Variants in CYB5A observed in about 807,000 individuals in gnomAD.
The protein encoded by CYB5A is cytochrome b5 type A.
CYB5A carries 10 observed loss-of-function variants against 16.2 expected under a neutral mutation model. The observed-to-expected ratio is 0.62, with a 90% CI of 0.38 to 1.04. The LOEUF (loss-of-function observed/expected upper bound fraction) is 1.04. Among genes scored for constraint, CYB5A ranks in the 50% least tolerant of loss-of-function variants. The probability of loss-of-function intolerance (pLI) is 0.01; values close to 1 mark genes in which losing one functional copy is unlikely to be tolerated. For missense variants in CYB5A, 161 were observed against 165.9 expected, an observed-to-expected ratio of 0.97 and a Z score of 0.16; for synonymous variants, 62 against 57.0, an observed-to-expected ratio of 1.09 and a Z score of -0.40.
intron 1 of CYB5A, among the ~76,000 whole-genome samples, chr18:74,280,281 C>T (rs7231562): frequency 0.63 from 96,022 of 151,950 alleles, 31,000 homozygotes; most frequent in Middle Eastern, 0.74. Flanking sequence ...TTTCACATGT[C>T]GGCCAGGTGC....
intron 1 of CYB5A, among the ~76,000 whole-genome samples, chr18:74,284,233 C>CAAAA (rs1308439463): frequency 1.4e-5 from 1 of 73,106 alleles, no homozygotes; most frequent in African/African-American, 4.1e-5. Flanking sequence ...ACTCCATCTC[C>CAAAA]AAAAAAAAAA....
intron 3 of CYB5A, chr18:74,259,266 T>C (rs1982106206): frequency 6.6e-6 from 1 of 152,238 alleles, no homozygotes; most frequent in South Asian, 2.1e-4. Context: ...AAGTAAGCCA[T>C]GTCTTAACGC....
At chr18:74,254,800 G>A (rs1037394405) in intron 4 of CYB5A, among the ~76,000 whole-genome samples, 3 of 152,178 alleles carry the variant, frequency 2.0e-5, no homozygotes, top group African/African-American at 4.8e-5. Context: ...GATTACAGGC[G>A]TGAGCCACCG....
intron 2 of CYB5A, among the ~76,000 whole-genome samples, chr18:74,261,875 G>C (rs1216295245): frequency 6.6e-6 from 1 of 152,034 alleles, no homozygotes; most frequent in African/African-American, 2.4e-5. Flanking sequence ...TCTTACGAGA[G>C]CAGAGCGGGC....
chr18:74,277,803 CA>C, intron 1 of CYB5A, among the ~76,000 whole-genome samples: 1 of 152,282 alleles, frequency 6.6e-6, no homozygotes, highest in South Asian at 2.1e-4. Context: ...GGCCCTGAGG[CA>C]GAACACAACG....
Position 74,253,747 on chromosome 18 carries a change from T to G in CYB5A, c.324-82A>C, listed in dbSNP as rs1981857991. ...AATCTTTGCTCCTTCTAACAGAAAA[T>G]TACCAGGGCATGTTTTTCTTAACTC... On this transcript the variant is annotated intron_variant, in intron 4 of 4. Transcript: ENST00000340533. 5 of 941,250 alleles carry G rather than the reference T, an allele frequency of 5.3e-6. No individual in the cohort carries two copies. In the East Asian group the frequency reaches 1.2e-4, roughly 23 times the overall value. The allele number at this position is 941,250 out of a possible 1,614,324, so 58.3% of individuals were successfully genotyped here. A position where few individuals can be genotyped will look rare whatever the true frequency, so the allele number is the denominator to read the frequency against.
In CYB5A at chr18:74,284,775, C is replaced by G. The variant is rs137862310; in HGVS notation, c.129+6972G>C. 2.0e-5 allele frequency among the ~76,000 whole-genome samples: 3 copies of G among 152,306 alleles called. No homozygotes were observed. In the South Asian group the frequency reaches 6.2e-4, roughly 32 times the overall value. On this transcript the variant is annotated intron_variant, in intron 1 of 4. Coordinates refer to ENST00000340533, the MANE Select transcript of CYB5A (RefSeq NM_148923.4). Reference sequence around the variant, plus strand: ...ATCCCTCGCCCCCTCCAGAGCCTCCCCAGCGTCAGTGCTGGTTCAGATGCC... The same window carrying G: ...ATCCCTCGCCCCCTCCAGAGCCTCCGCAGCGTCAGTGCTGGTTCAGATGCC...
chr18:74,280,553 G>T (rs983947094), intron 1 of CYB5A, among the ~76,000 whole-genome samples: 19 of 149,060 alleles, frequency 1.3e-4, no homozygotes, highest in African/African-American at 4.7e-4. Flanking sequence ...ACTCCAGCCT[G>T]AGTGACAGAG....
intron 1 of CYB5A, among the ~76,000 whole-genome samples, chr18:74,279,866 T>C (rs766053494): frequency 4.6e-5 from 7 of 152,252 alleles, no homozygotes; most frequent in Admixed American, 2.6e-4. Context: ...AACTATTTAG[T>C]CCTTTCTATG....
intron 1 of CYB5A, among the ~76,000 whole-genome samples, chr18:74,275,644 C>G (rs1982841752): frequency 6.6e-6 from 1 of 152,136 alleles, no homozygotes; most frequent in Admixed American, 6.5e-5. Context: ...CTGAAACTCA[C>G]GAATACACAG....
intron 1 of CYB5A, among the ~76,000 whole-genome samples, chr18:74,287,121 A>T (rs1382534571): frequency 6.6e-6 from 1 of 152,070 alleles, no homozygotes; most frequent in East Asian, 1.9e-4. Context: ...TACCAACAAT[A>T]ACTTTATATT....
chr18:74,255,457 C>A (rs1387029648), intron 4 of CYB5A, among the ~76,000 whole-genome samples: 1 of 152,140 alleles, frequency 6.6e-6, no homozygotes, highest in African/African-American at 2.4e-5. Flanking sequence ...TGGGACTGGC[C>A]GCCTAAGATG....
At chr18:74,282,248 T>C (rs1983140256) in intron 1 of CYB5A, among the ~76,000 whole-genome samples, 1 of 152,104 alleles carries the variant, frequency 6.6e-6, no homozygotes, top group South Asian at 2.1e-4. Flanking sequence ...GCATGTGCCG[T>C]GTGTGGAAAA....
chr18:74,261,043 T>C, intron 2 of CYB5A, 99 bp from the exon 3 acceptor site: 1 of 912,232 alleles, frequency 1.1e-6, no homozygotes. Flanking sequence ...TATAATTCAG[T>C]AATTACCATT....
chr18:74,272,204 C>T (rs1195555068), intron 1 of CYB5A, among the ~76,000 whole-genome samples: 1 of 152,144 alleles, frequency 6.6e-6, no homozygotes, highest in African/African-American at 2.4e-5. Context: ...TAAACCTTTC[C>T]TAAGCAACTT....
At position 74,253,244 on chromosome 18, in the gene CYB5A, C is replaced by G; in HGVS notation, c.*340G>C. On this transcript the variant is annotated 3_prime_UTR_variant, in exon 5 of 5. Coordinates refer to ENST00000340533, the MANE Select transcript of CYB5A (RefSeq NM_148923.4). ...ACATTGAAGGAATCCTCTAAATAAC[C>G]AGATTCTAAACATTAAAGACAATTA... The G allele has an allele frequency of 3.1e-6, 1 of 324,090 alleles. No homozygotes were observed. Among genetic ancestry groups the G allele is most frequent in the Non-Finnish European group, 6.0e-6 (1 of 167,064 alleles). The allele number at this position is 324,090 out of a possible 1,614,324, so 20.1% of individuals were successfully genotyped here.
chr18:74,271,647 CGTGTGT>C (rs140764495), intron 1 of CYB5A, among the ~76,000 whole-genome samples: 4 of 149,842 alleles, frequency 2.7e-5, no homozygotes, highest in African/African-American at 7.3e-5. Flanking sequence ...ATGTACTTAT[CGTGTGT>C]GTGTGTGTGT....
chr18:74,267,393 G>A (rs971614976), intron 1 of CYB5A, among the ~76,000 whole-genome samples: 4 of 152,312 alleles, frequency 2.6e-5, no homozygotes, highest in Middle Eastern at 3.4e-3. Context: ...CTGACCTCAG[G>A]TAATCCACCT....
intron 3 of CYB5A, chr18:74,259,840 C>A (rs534585132): frequency 6.6e-6 from 1 of 152,280 alleles, no homozygotes; most frequent in East Asian, 1.9e-4. Flanking sequence ...GGATTCTAAG[C>A]AATTGTCACA....
Sources: gnomAD v4.1 joint callset for allele counts (sites outside exome capture counted in the v4.1 genomes callset) on GRCh38, gnomAD v4.1.1 for gene constraint, MANE v1.5 for transcripts, NCBI Gene and HGNC (gene_info 2026-07-23, HGNC 2026-07-21) for gene names.